Variants in NAV3 observed in about 807,000 individuals in gnomAD.
NAV3 encodes the protein neuron navigator 3, also known as pore membrane and/or filament interacting like protein 1.
A neutral mutation model predicts 244.7 loss-of-function variants in NAV3; 87 were observed. The observed-to-expected ratio is 0.36, with a 90% CI of 0.30 to 0.42. NAV3 has a LOEUF of 0.42. NAV3 is among the 20% of genes least tolerant of loss of function. NAV3 has a pLI of 1.00. For missense variants in NAV3, 2,663 were observed against 2,893.3 expected (o/e 0.92, Z 1.83); for synonymous variants, 1,126 against 1,042.2 (o/e 1.08, Z -1.55).
chr12:77,579,590 C>G (rs1869254496), intron 2 of NAV3, among the ~76,000 whole-genome samples: 1 of 152,152 alleles, frequency 6.6e-6, no homozygotes, highest in Non-Finnish European at 1.5e-5. Flanking sequence ...ACATAATTAC[C>G]TCTTAAAAGT....
At chr12:77,576,722 CT>C in intron 2 of NAV3, among the ~76,000 whole-genome samples, 1 of 152,088 alleles carries the variant, frequency 6.6e-6, no homozygotes, top group South Asian at 2.1e-4. Flanking sequence ...AATTAAAAAT[CT>C]GTTTTCTTTA....
intron 22 of NAV3, among the ~76,000 whole-genome samples, chr12:78,149,389 G>T (rs1242053216): frequency 6.6e-6 from 1 of 152,102 alleles, no homozygotes; most frequent in Non-Finnish European, 1.5e-5. Context: ...CTGTGGATGA[G>T]ATATGGTTTG....
At chr12:78,048,692 G>A (rs1882248730) in intron 9 of NAV3, among the ~76,000 whole-genome samples, 1 of 152,202 alleles carries the variant, frequency 6.6e-6, no homozygotes, top group African/African-American at 2.4e-5. Context: ...GGAGGCACGG[G>A]GGTCAGGGAC....
chr12:78,073,723 G>T (rs142689285), intron 12 of NAV3, among the ~76,000 whole-genome samples: 1 of 152,010 alleles, frequency 6.6e-6, no homozygotes, highest in East Asian at 1.9e-4. Context: ...AAAAGAGCCC[G>T]CATCGCCAAG....
intron 2 of NAV3, among the ~76,000 whole-genome samples, chr12:77,745,405 A>G (rs959115382): frequency 2.0e-5 from 3 of 152,038 alleles, no homozygotes; most frequent in Non-Finnish European, 2.9e-5. Flanking sequence ...GATAGGACAG[A>G]TTGCCTAGGG....
chr12:78,071,684 C>T (rs1952777725), intron 12 of NAV3, among the ~76,000 whole-genome samples: 1 of 152,094 alleles, frequency 6.6e-6, no homozygotes, highest in Admixed American at 6.6e-5. Flanking sequence ...TTTCAGCTTT[C>T]TACATATGGC....
chr12:77,610,774 G>A (rs2136818018), intron 2 of NAV3, among the ~76,000 whole-genome samples: 1 of 152,126 alleles, frequency 6.6e-6, no homozygotes, highest in Middle Eastern at 3.4e-3. Context: ...ATGAAAGTGA[G>A]CCTGGTCTCC....
intron 20 of NAV3, among the ~76,000 whole-genome samples, chr12:78,142,561 A>T (rs1458951973): frequency 6.7e-6 from 1 of 150,192 alleles, no homozygotes; most frequent in Non-Finnish European, 1.5e-5. Flanking sequence ...TGTAGATAGG[A>T]GTGGGATGTC....
rs142633927 is a variant in NAV3, at chr12:78,124,481, C to T, written c.4238+2053C>T. On this transcript the variant is annotated intron_variant, in intron 16 of 39. Coordinates refer to ENST00000397909, the MANE Select transcript of NAV3 (RefSeq NM_001024383.2). ...GTTATTTATTTGTTTTGAAATGGAG[C>T]CTCACTCTGTCGCCCAGGCTGGAGG... 3.7e-4 allele frequency among the ~76,000 whole-genome samples: 56 copies of T among 152,090 alleles called. 1 individual carries two copies. In the East Asian group the frequency reaches 0.011, roughly 29 times the overall value.
chr12:78,063,367 G>C (rs1381220984), intron 12 of NAV3, among the ~76,000 whole-genome samples: 1 of 152,116 alleles, frequency 6.6e-6, no homozygotes, highest in Non-Finnish European at 1.5e-5. Flanking sequence ...TTTATACATT[G>C]TGTTGGGCTA....
chr12:78,027,206 C>G (rs1159275458), intron 9 of NAV3, among the ~76,000 whole-genome samples: 2 of 151,712 alleles, frequency 1.3e-5, no homozygotes, highest in Non-Finnish European at 2.9e-5. Flanking sequence ...GAGACCAAGG[C>G]AGGACGACTG....
At chr12:77,891,517 C>A (rs1049942642) in intron 1 of NAV3, among the ~76,000 whole-genome samples, 3 of 151,988 alleles carry the variant, frequency 2.0e-5, no homozygotes, top group Non-Finnish European at 4.4e-5. Context: ...TTCACTTATT[C>A]TCAAATCCAG....
At chr12:77,593,441 A>G (rs1483141819) in intron 2 of NAV3, among the ~76,000 whole-genome samples, 1 of 150,206 alleles carries the variant, frequency 6.7e-6, no homozygotes, top group Non-Finnish European at 1.5e-5. Context: ...TGTTTTTTTA[A>G]TTATTATTAT....
chr12:77,666,665 G>A (rs1207130953), intron 2 of NAV3, among the ~76,000 whole-genome samples: 1 of 152,132 alleles, frequency 6.6e-6, no homozygotes, highest in Non-Finnish European at 1.5e-5. Flanking sequence ...GGGATGTATT[G>A]TGCTTCTTTG....
At chr12:78,006,395 A>G in intron 7 of NAV3, 24 bp from the exon 8 acceptor site, 1 of 1,593,540 alleles carries the variant, frequency 6.3e-7, no homozygotes, top group South Asian at 1.1e-5. Context: ...CCTTTTCTTT[A>G]TTTTTCTTCT....
At chr12:78,203,975 T>C (rs1960015754) in intron 38 of NAV3, among the ~76,000 whole-genome samples, 1 of 152,102 alleles carries the variant, frequency 6.6e-6, no homozygotes, top group African/African-American at 2.4e-5. Flanking sequence ...CTGCCAGTAC[T>C]TTAACCAGGC....
At chr12:77,633,712 A>G (rs696463) in intron 2 of NAV3, among the ~76,000 whole-genome samples, 5,035 of 152,262 alleles carry the variant, frequency 0.033, 87 homozygotes, top group Middle Eastern at 0.048. Context: ...AGTATTAGAT[A>G]ATTCTTCTTG....
chr12:78,150,631 T>TCTCACACA (rs1282019719), intron 22 of NAV3, among the ~76,000 whole-genome samples: 1 of 144,228 alleles, frequency 6.9e-6, no homozygotes, highest in Admixed American at 7.0e-5. Context: ...AAAAGCTTCC[T>TCTCACACA]CACACACACA....
At chr12:78,046,432 CTTTA>C (rs1158960769) in intron 9 of NAV3, among the ~76,000 whole-genome samples, 1 of 152,182 alleles carries the variant, frequency 6.6e-6, no homozygotes. Context: ...TATGTAGTTT[CTTTA>C]TTCTCATTGG....
Sources: allele counts gnomAD v4.1 joint callset (sites outside exome capture counted in the v4.1 genomes callset), GRCh38; gene constraint gnomAD v4.1.1; transcripts MANE v1.5; gene names NCBI Gene and HGNC (gene_info 2026-07-23, HGNC 2026-07-21).